ARPP21: variants seen among roughly 807,000 people sequenced by gnomAD.
ARPP21 encodes the protein cAMP regulated phosphoprotein 21.
A neutral mutation model predicts 113.2 loss-of-function variants in ARPP21; 69 were observed. The observed-to-expected ratio is 0.61, with a 90% CI of 0.50 to 0.74. The LOEUF (loss-of-function observed/expected upper bound fraction) is 0.74. Ranked by LOEUF, ARPP21 falls within the 30% of genes least tolerant of loss-of-function variation. ARPP21 has a pLI of 0.00. For synonymous variants in ARPP21, 368 were observed against 375.5 expected (o/e 0.98, Z 0.23); for missense variants, 1,070 against 1,037.4 (o/e 1.03, Z -0.43).
intron 13 of ARPP21, among the ~76,000 whole-genome samples, chr3:35,719,094 T>C (rs767663679): frequency 1.3e-5 from 2 of 151,962 alleles, no homozygotes; most frequent in Non-Finnish European, 2.9e-5. Flanking sequence ...TGGATTCCAG[T>C]AGGGGAGGAA....
chr3:35,716,123 C>A (rs1576230135), intron 12 of ARPP21, among the ~76,000 whole-genome samples: 1 of 151,872 alleles, frequency 6.6e-6, no homozygotes, highest in Admixed American at 6.6e-5. Flanking sequence ...TTAATATATA[C>A]CCTTCAAAAA....
chr3:35,762,139 C>T (rs1368335372), intron 19 of ARPP21, among the ~76,000 whole-genome samples: 2 of 151,648 alleles, frequency 1.3e-5, no homozygotes, highest in African/African-American at 2.4e-5. Context: ...CACACACACA[C>T]ACACACACAC....
At chr3:35,684,024 C>G (rs1172725100) in intron 5 of ARPP21, 1 of 1,590,476 alleles carries the variant, frequency 6.3e-7, no homozygotes, top group African/African-American at 1.3e-5. Context: ...TTTCCAGACT[C>G]TCTGAAAACT....
At chr3:35,753,901 G>T (rs545747817) in intron 19 of ARPP21, among the ~76,000 whole-genome samples, 2 of 151,088 alleles carry the variant, frequency 1.3e-5, no homozygotes, top group Non-Finnish European at 3.0e-5. Context: ...TTGAGTAAGG[G>T]TTGACAGTGA....
intron 6 of ARPP21, among the ~76,000 whole-genome samples, chr3:35,688,153 C>T (rs1372829767): frequency 1.3e-5 from 2 of 151,464 alleles, no homozygotes; most frequent in African/African-American, 2.4e-5. Flanking sequence ...CAAGCTTGTA[C>T]AAGGAATAAA....
At chr3:35,784,524 A>T (rs1235684483) in intron 19 of ARPP21, among the ~76,000 whole-genome samples, 1 of 152,156 alleles carries the variant, frequency 6.6e-6, no homozygotes, top group African/African-American at 2.4e-5. Context: ...TAGCACCAGA[A>T]ATCATAGACT....
At chr3:35,664,199 G>A (rs1486463048) in intron 1 of ARPP21, among the ~76,000 whole-genome samples, 1 of 152,080 alleles carries the variant, frequency 6.6e-6, no homozygotes, top group Admixed American at 6.5e-5. Context: ...TATTTATGGG[G>A]TATAATGTGG....
intron 1 of ARPP21, among the ~76,000 whole-genome samples, chr3:35,649,719 CT>C (rs1701653990): frequency 6.6e-6 from 1 of 152,100 alleles, no homozygotes; most frequent in Non-Finnish European, 1.5e-5. Context: ...TCAGACCCCC[CT>C]CCTGCTTTAA....
At chr3:35,748,067 G>GAAGAAAGAAAGAAGGAAAGAAAGA (rs2095203521) in intron 19 of ARPP21, among the ~76,000 whole-genome samples, 2 of 86,884 alleles carry the variant, frequency 2.3e-5, no homozygotes, top group South Asian at 8.9e-4. Flanking sequence ...AAGAAGGAAG[G>GAAGAAAGAAAGAAGGAAAGAAAGA]AAGAAAGAAA....
chr3:35,692,937 G>A (rs2082672106), intron 9 of ARPP21, among the ~76,000 whole-genome samples: 1 of 151,612 alleles, frequency 6.6e-6, no homozygotes, highest in Admixed American at 6.6e-5. Context: ...TGTGTTTCCT[G>A]CAAGTTCCCA....
chr3:35,693,291 G>A (rs534207906), intron 9 of ARPP21, among the ~76,000 whole-genome samples: 6 of 151,620 alleles, frequency 4.0e-5, no homozygotes, highest in Non-Finnish European at 7.4e-5. Flanking sequence ...GACTTTCAAG[G>A]TATTTACTGA....
At chr3:35,774,508 C>T (rs1477798468) in intron 19 of ARPP21, among the ~76,000 whole-genome samples, 1 of 152,062 alleles carries the variant, frequency 6.6e-6, no homozygotes, top group Non-Finnish European at 1.5e-5. Flanking sequence ...CCTCTTCTAC[C>T]CCCTTTTAAA....
chr3:35,667,885 A>AGAG (rs1553645946), intron 1 of ARPP21, among the ~76,000 whole-genome samples: 2,620 of 97,712 alleles, frequency 0.027, 226 homozygotes, highest in South Asian at 0.051. Context: ...AAGAAGAAGA[A>AGAG]GAAGAGGAAG....
intron 19 of ARPP21, among the ~76,000 whole-genome samples, chr3:35,790,118 T>C (rs1213600569): frequency 6.6e-6 from 1 of 152,144 alleles, no homozygotes. Context: ...TCTGTGAAGA[T>C]CCATTGAGGC....
intron 1 of ARPP21, among the ~76,000 whole-genome samples, chr3:35,666,751 G>A (rs1002329271): frequency 1.3e-5 from 2 of 152,066 alleles, no homozygotes; most frequent in African/African-American, 2.4e-5. Context: ...GCTTTACAGT[G>A]TGATTAACAC....
chr3:35,726,380 A>T (rs1025685672), intron 14 of ARPP21, among the ~76,000 whole-genome samples: 1 of 152,248 alleles, frequency 6.6e-6, no homozygotes, highest in Non-Finnish European at 1.5e-5. Flanking sequence ...ATTGATGTTT[A>T]CATGCTGGTC....
intron 18 of ARPP21, 44 bp from the exon 19 acceptor site, chr3:35,743,795 A>T (rs367634299): frequency 6.3e-7 from 1 of 1,598,418 alleles, no homozygotes; most frequent in Non-Finnish European, 8.6e-7. Context: ...AATTTACATT[A>T]TCTACATTTT....
chr3:35,709,218 A>G, intron 11 of ARPP21, 148 bp downstream of exon 11: 1 of 635,942 alleles, frequency 1.6e-6, no homozygotes, highest in Non-Finnish European at 2.7e-6. Flanking sequence ...TGATTTTGGA[A>G]GAGGATCTGG....
At chr3:35,713,519 C>A (rs2091776201) in intron 11 of ARPP21, among the ~76,000 whole-genome samples, 1 of 152,024 alleles carries the variant, frequency 6.6e-6, no homozygotes, top group Non-Finnish European at 1.5e-5. Context: ...CCTACTCTAC[C>A]AATAGCTGGA....
Sources: allele counts gnomAD v4.1 joint callset (sites outside exome capture counted in the v4.1 genomes callset), GRCh38; gene constraint gnomAD v4.1.1; transcripts MANE v1.5; gene names NCBI Gene and HGNC (gene_info 2026-07-23, HGNC 2026-07-21).